SLC45A4: variants seen among roughly 807,000 people sequenced by gnomAD.
The protein encoded by SLC45A4 is polyamine-transporter SLC45A4.
Under a neutral mutation model 63.7 loss-of-function variants are expected in SLC45A4, and 32 were observed. That is an observed-to-expected ratio of 0.50 (90% confidence interval 0.38 to 0.67). SLC45A4 has a LOEUF of 0.67. Among genes scored for constraint, SLC45A4 ranks in the 30% least tolerant of loss-of-function variants. SLC45A4 has a pLI of 0.00. For missense variants in SLC45A4, 1,027 were observed against 1,157.7 expected, an observed-to-expected ratio of 0.89 and a Z score of 1.64; for synonymous variants, 535 against 510.0, an observed-to-expected ratio of 1.05 and a Z score of -0.66.
At chr8:141,271,983 T>C (rs929384783) in intron 1 of SLC45A4, among the ~76,000 whole-genome samples, 1 of 147,918 alleles carries the variant, frequency 6.8e-6, no homozygotes, top group East Asian at 2.0e-4. Context: ...CGTACACACA[T>C]GCACCCATAC....
chr8:141,263,953 C>T (rs2154614830), intron 1 of SLC45A4, among the ~76,000 whole-genome samples: 1 of 152,266 alleles, frequency 6.6e-6, no homozygotes, highest in African/African-American at 2.4e-5. Flanking sequence ...CCAGCACTGG[C>T]CACTCTGAAA....
chr8:141,215,185 T>C lies in SLC45A4; in HGVS notation c.1941+574A>G, dbSNP rs927107190. ...TGCCTGTGCTGCGGCTACTGAGCATTTGAGATAAAGCTCGTCTCATGTGTG... is the reference window on the plus strand; with the variant it reads ...TGCCTGTGCTGCGGCTACTGAGCATCTGAGATAAAGCTCGTCTCATGTGTG... On this transcript the variant is annotated intron_variant, in intron 7 of 8. Transcript: ENST00000517878. The surrounding 1 kb of genome is among the most constrained non-coding windows in gnomAD (Gnocchi z 4.3). Among the ~76,000 whole-genome samples, 14 of 152,220 alleles carry C rather than the reference T, an allele frequency of 9.2e-5. No individual in the cohort carries two copies. The highest frequency in any genetic ancestry group is 2.6e-4 in the Admixed American group (4 of 15,280).
In SLC45A4 at chr8:141,283,793, G is replaced by A. The variant is rs139984295; in HGVS notation, c.-401+24303C>T. Among the ~76,000 whole-genome samples the A allele has an allele frequency of 3.8e-3, 573 of 152,286 alleles. 3 individuals are homozygous for A. The highest frequency in any genetic ancestry group is 0.013 in the African/African-American group (526 of 41,564). On this transcript the variant is annotated intron_variant, in intron 1 of 8. Coordinates refer to ENST00000517878, the MANE Select transcript of SLC45A4 (RefSeq NM_001286646.2). ...AAAGGGAAACCTCCAGCTCCACCCT[G>A]CTCCCTACTGCAGCAGGGCCCATGA...
At chr8:141,252,787 G>A (rs574742741) in intron 2 of SLC45A4, among the ~76,000 whole-genome samples, 4 of 146,092 alleles carry the variant, frequency 2.7e-5, no homozygotes, top group East Asian at 4.3e-4. Flanking sequence ...CCACCTGTGC[G>A]TCTGTGAATT....
Position 141,210,816 on chromosome 8 carries a change from T to C in SLC45A4, c.*756A>G, listed in dbSNP as rs1016450280. The C allele has an allele frequency of 2.6e-5, 4 of 152,262 alleles. No homozygotes were observed. Among genetic ancestry groups the C allele is most frequent in the Admixed American group, 6.5e-5 (1 of 15,286 alleles). 9.4% of individuals were successfully genotyped at this position (152,262 alleles called of 1,614,324 possible). A position where few individuals can be genotyped will look rare whatever the true frequency, so the allele number is the denominator to read the frequency against. On this transcript the variant is annotated 3_prime_UTR_variant, in exon 9 of 9. Transcript: ENST00000517878. ...ATCTGTGTGATGTGCGGGGCCTCCC[T>C]GTCTCCTGATCTCAGTAAGCCTACA...
intron 1 of SLC45A4, among the ~76,000 whole-genome samples, chr8:141,263,943 C>T (rs1021401610): frequency 4.0e-4 from 61 of 152,090 alleles, no homozygotes; most frequent in African/African-American, 1.5e-3. Context: ...TGACCCGGCC[C>T]CAGCACTGGC....
intron 1 of SLC45A4, among the ~76,000 whole-genome samples, chr8:141,259,496 G>A (rs11984743): frequency 0.02 from 3,092 of 152,232 alleles, 101 homozygotes; most frequent in African/African-American, 0.071. Flanking sequence ...CCACACCACC[G>A]GCCATGCATC....
intron 1 of SLC45A4, among the ~76,000 whole-genome samples, chr8:141,259,280 C>T (rs962005713): frequency 6.6e-5 from 10 of 152,372 alleles, no homozygotes; most frequent in South Asian, 6.2e-4. Flanking sequence ...GCCAGCAAGA[C>T]GGCTTCACGC....
chr8:141,258,199 G>C (rs1033362820), intron 1 of SLC45A4, among the ~76,000 whole-genome samples: 2 of 152,004 alleles, frequency 1.3e-5, no homozygotes, highest in African/African-American at 4.8e-5. Flanking sequence ...GCCTGGCCTA[G>C]GGTCAGGAAG....
chr8:141,212,586 C>A, intron 7 of SLC45A4, 30 bp from the exon 8 acceptor site: 1 of 1,565,100 alleles, frequency 6.4e-7, no homozygotes, highest in Non-Finnish European at 8.7e-7. Context: ...AGGCGGTGAG[C>A]GGCTGGAGAA....
At chr8:141,265,110 T>C (rs1341193320) in intron 1 of SLC45A4, among the ~76,000 whole-genome samples, 2 of 152,342 alleles carry the variant, frequency 1.3e-5, no homozygotes, top group East Asian at 3.9e-4. Flanking sequence ...AGCTGCCAAC[T>C]TAAAGATGGA....
intron 1 of SLC45A4, among the ~76,000 whole-genome samples, chr8:141,279,424 G>C (rs73366483): frequency 6.6e-6 from 1 of 152,160 alleles, no homozygotes. Flanking sequence ...GCAATCCCAC[G>C]GACCACATCT....
intron 1 of SLC45A4, among the ~76,000 whole-genome samples, chr8:141,295,073 C>A (rs1830494933): frequency 6.6e-6 from 1 of 152,180 alleles, no homozygotes; most frequent in South Asian, 2.1e-4. Context: ...CTTGGGTTGG[C>A]AGAGGGGTGT....
chr8:141,257,576 C>G (rs1456830887), intron 1 of SLC45A4, among the ~76,000 whole-genome samples: 1 of 152,206 alleles, frequency 6.6e-6, no homozygotes, highest in Admixed American at 6.5e-5. Flanking sequence ...CGTCTCTGTT[C>G]CTAAGAGTCG....
At chr8:141,285,604 G>A (rs1830110469) in intron 1 of SLC45A4, among the ~76,000 whole-genome samples, 1 of 152,170 alleles carries the variant, frequency 6.6e-6, no homozygotes, top group Non-Finnish European at 1.5e-5. Flanking sequence ...CACATCCACG[G>A]CCACGTCCGT....
At chr8:141,267,212 C>T (rs1268165675) in intron 1 of SLC45A4, among the ~76,000 whole-genome samples, 1 of 152,278 alleles carries the variant, frequency 6.6e-6, no homozygotes, top group Non-Finnish European at 1.5e-5. Flanking sequence ...TTGGCCTCAG[C>T]AGCTTCACTG....
intron 1 of SLC45A4, among the ~76,000 whole-genome samples, chr8:141,262,880 C>G (rs376243002): frequency 1.3e-5 from 2 of 149,938 alleles, no homozygotes; most frequent in Admixed American, 6.7e-5. Context: ...ACCCAAAGGA[C>G]TATAAATCAT....
intron 1 of SLC45A4, among the ~76,000 whole-genome samples, chr8:141,265,710 G>T (rs1316119565): frequency 1.3e-5 from 2 of 152,188 alleles, no homozygotes; most frequent in African/African-American, 2.4e-5. Flanking sequence ...TGTCGCCTCA[G>T]CTGCTTAAAA....
In SLC45A4 at chr8:141,221,561, T is replaced by C. The variant is rs1826634651; in HGVS notation, c.430+16A>G. 3 of 1,608,680 alleles carry C rather than the reference T, an allele frequency of 1.9e-6. No homozygotes were observed. The highest frequency in any genetic ancestry group is 2.1e-4 in the Middle Eastern group (1 of 4,708). On this transcript the variant is annotated intron_variant, in intron 3 of 8. Coordinates refer to ENST00000517878, the MANE Select transcript of SLC45A4 (RefSeq NM_001286646.2). Reference sequence around the variant, plus strand: ...GTCTGTGTTGTGAGGACACCAGGTGTGGCCGAGAAACTTACCGATGGCAGA... The same window carrying C: ...GTCTGTGTTGTGAGGACACCAGGTGCGGCCGAGAAACTTACCGATGGCAGA...
Sources: allele counts gnomAD v4.1 joint callset (sites outside exome capture counted in the v4.1 genomes callset), GRCh38; gene constraint gnomAD v4.1.1; non-coding constraint Gnocchi (gnomAD v3.1); transcripts MANE v1.5; gene names NCBI Gene and HGNC (gene_info 2026-07-23, HGNC 2026-07-21).